Variants in THRAP3 observed in about 807,000 individuals in gnomAD.
The protein encoded by THRAP3 is thyroid hormone receptor-associated protein 3.
In THRAP3, 16 loss-of-function variants were observed where a neutral mutation model predicts 101.0. The ratio of observed to expected loss-of-function variants is 0.16; its 90% CI spans 0.11 to 0.24. The LOEUF (loss-of-function observed/expected upper bound fraction) is 0.24. Ranked by LOEUF, THRAP3 falls within the 10% of genes least tolerant of loss-of-function variation. The pLI is 1.00. For missense variants in THRAP3, 989 were observed against 1,202.7 expected (o/e 0.82, Z 2.63); for synonymous variants, 407 against 422.6 (o/e 0.96, Z 0.45).
chr1:36,293,684 C>CTA (rs1385198591), intron 7 of THRAP3, among the ~76,000 whole-genome samples, 167 bp from the exon 8 acceptor site: 2 of 30,428 alleles, frequency 6.6e-5, no homozygotes, highest in East Asian at 3.0e-3. Flanking sequence ...GTGTGTCTGC[C>CTA]TATGGGAGAG....
chr1:36,215,256 G>C, the THRAP3 span, among the ~76,000 whole-genome samples: 1 of 152,090 alleles, frequency 6.6e-6, no homozygotes. Flanking sequence ...ACCTTTTAAT[G>C]GTTTCCCATT....
intron 2 of THRAP3, among the ~76,000 whole-genome samples, chr1:36,270,208 G>T (rs562401176): frequency 2.4e-4 from 37 of 152,278 alleles, no homozygotes; most frequent in African/African-American, 8.7e-4. Context: ...GGGCAACATG[G>T]CGAGACCTTG....
chr1:36,220,565 T>C (rs1478249036), upstream of THRAP3, among the ~76,000 whole-genome samples: 1 of 151,940 alleles, frequency 6.6e-6, no homozygotes, highest in Non-Finnish European at 1.5e-5. Flanking sequence ...TATCTGTAAA[T>C]GAATGACAAG....
intron 9 of THRAP3, among the ~76,000 whole-genome samples, chr1:36,297,827 C>T (rs1173356616): frequency 6.6e-6 from 1 of 151,660 alleles, no homozygotes; most frequent in East Asian, 1.9e-4. Context: ...GAAAGATAAG[C>T]CAAGCTTAGA....
intron 1 of THRAP3, among the ~76,000 whole-genome samples, chr1:36,251,819 T>G (rs928925217): frequency 6.6e-6 from 1 of 152,232 alleles, no homozygotes; most frequent in Non-Finnish European, 1.5e-5. Flanking sequence ...TCAACAACAC[T>G]GTGAAGTAGG....
chr1:36,241,987 T>G, intron 1 of THRAP3: 1 of 172,998 alleles, frequency 5.8e-6, no homozygotes. Context: ...AGTAGAACTT[T>G]AATGTTGTAT....
chr1:36,266,850 ATATTTATTTATTTATTTATTTATT>A (rs71796650), intron 2 of THRAP3, among the ~76,000 whole-genome samples: 2 of 144,226 alleles, frequency 1.4e-5, no homozygotes, highest in African/African-American at 5.0e-5. Flanking sequence ...TATAATACGA[ATATTTATTTATTTATTTATTTATT>A]TATTTATTTA....
intron 1 of THRAP3, among the ~76,000 whole-genome samples, chr1:36,243,151 CTTT>C (rs58340320): frequency 1.2e-4 from 7 of 60,868 alleles, no homozygotes; most frequent in African/African-American, 4.0e-4. Flanking sequence ...GAGGAACTTT[CTTT>C]TTTTTTTTTT....
intron 3 of THRAP3, among the ~76,000 whole-genome samples, chr1:36,285,569 C>A (rs1485049540): frequency 1.3e-5 from 2 of 152,100 alleles, no homozygotes; most frequent in Admixed American, 1.3e-4. Flanking sequence ...CTGTGCACAC[C>A]GGGGTGGGGG....
intron 5 of THRAP3, among the ~76,000 whole-genome samples, chr1:36,290,034 A>G (rs4653173): frequency 0.76 from 116,307 of 152,108 alleles, 46,679 homozygotes; most frequent in Non-Finnish European, 0.88. Context: ...CCCAAGTCCA[A>G]TGCTGTTTCT....
chr1:36,217,432 C>T, the THRAP3 span, among the ~76,000 whole-genome samples: 1 of 152,042 alleles, frequency 6.6e-6, no homozygotes, highest in African/African-American at 2.4e-5. Flanking sequence ...AGACTGGAAC[C>T]TTGGGGTAAG....
upstream of THRAP3, among the ~76,000 whole-genome samples, chr1:36,222,497 C>A (rs1223906224): frequency 6.6e-6 from 1 of 151,758 alleles, no homozygotes; most frequent in Non-Finnish European, 1.5e-5. Context: ...ACCTCCACCT[C>A]CTGGGTTCAA....
At position 36,286,826 on chromosome 1, in the gene THRAP3, A is replaced by G. The variant is rs1377103897; in HGVS notation, c.596A>G (p.Asp199Gly). The G allele has an allele frequency of 6.2e-7, 1 of 1,614,192 alleles. No individual in the cohort carries two copies. Among genetic ancestry groups the G allele is most frequent in the East Asian group, 2.2e-5 (1 of 44,886 alleles). Residue 199 changes from aspartate to glycine, a missense_variant, in exon 4 of 12, where the codon GAT becomes GGT. Physicochemically the swap from Asp to Gly is moderately conservative, Grantham distance 94. Transcript: ENST00000354618. The surrounding 1 kb of genome is among the most constrained non-coding windows in gnomAD (Gnocchi z 5.5). ...PSQAAGDNQG[D>G]EAKEQTFSGG... ...CAGGCTGCCGGGGATAACCAGGGAG[A>G]TGAGGCCAAGGAGCAGACATTCTCT...
intron 1 of THRAP3, chr1:36,225,564 G>A (rs564322139): frequency 1.3e-5 from 2 of 148,994 alleles, no homozygotes; most frequent in Non-Finnish European, 3.0e-5. Context: ...TCATTTATAG[G>A]TTTTTTTTTT....
In THRAP3 at chr1:36,301,588, C is replaced by T. The variant is rs765171246; in HGVS notation, c.2538C>T (p.Gly846=). The T allele has an allele frequency of 1.9e-6, 3 of 1,614,004 alleles. No homozygotes were observed. Among genetic ancestry groups the T allele is most frequent in the South Asian group, 2.2e-5 (2 of 91,080 alleles). ...FRARGRGWGR[G]NYSGNNNNNS... ...CCAGAGGAAGAGGCTGGGGCAGAGG[C>T]AACTACTCTGGGAACAATAACAACA... The change falls in exon 11 of 12, where the codon GGC becomes GGT. Residue 846 remains glycine (G), a synonymous_variant. Transcript: ENST00000354618.
At chr1:36,235,855 G>A (rs1389151955) in intron 1 of THRAP3, among the ~76,000 whole-genome samples, 1 of 152,138 alleles carries the variant, frequency 6.6e-6, no homozygotes, top group African/African-American at 2.4e-5. Flanking sequence ...ATAGTGGAAT[G>A]CTAGGTAGAA....
chr1:36,248,045 A>G (rs1245732998), intron 1 of THRAP3, among the ~76,000 whole-genome samples: 2 of 151,394 alleles, frequency 1.3e-5, no homozygotes, highest in Non-Finnish European at 2.9e-5. Context: ...ATGCATGGCT[A>G]ATTGTTGTAT....
chr1:36,228,200 A>G (rs1644984402), intron 1 of THRAP3, among the ~76,000 whole-genome samples: 1 of 151,162 alleles, frequency 6.6e-6, no homozygotes, highest in African/African-American at 2.4e-5. Flanking sequence ...GGCGCCTGCC[A>G]CCATGCCTGG....
chr1:36,218,828 T>A, the THRAP3 span, among the ~76,000 whole-genome samples: 1 of 147,468 alleles, frequency 6.8e-6, no homozygotes, highest in Non-Finnish European at 1.5e-5. Flanking sequence ...AGGTCAGGAG[T>A]TCGAGACCAG....
Sources: gnomAD v4.1 joint callset for allele counts (sites outside exome capture counted in the v4.1 genomes callset) on GRCh38, gnomAD v4.1.1 for gene constraint, Gnocchi (gnomAD v3.1) non-coding constraint, MANE v1.5 for transcripts, NCBI Gene and HGNC (gene_info 2026-07-23, HGNC 2026-07-21) for gene names.